Variants in SSH3 observed in about 807,000 individuals in gnomAD.
The protein encoded by SSH3 is slingshot protein phosphatase 3, also known as protein phosphatase Slingshot homolog 3.
Under a neutral mutation model 75.0 loss-of-function variants are expected in SSH3, and 67 were observed. The ratio of observed to expected loss-of-function variants is 0.89; its 90% confidence interval spans 0.73 to 1.10. The LOEUF is 1.10. Among genes scored for constraint, SSH3 ranks in the 50% least tolerant of loss-of-function variants. The pLI, the probability that SSH3 is intolerant of heterozygous loss-of-function variation, is 0.00. For missense variants in SSH3, 824 were observed against 872.7 expected (o/e 0.94, Z 0.70); for synonymous variants, 318 against 349.2 (o/e 0.91, Z 1.00).
intron 13 of SSH3, 61 bp downstream of exon 13, chr11:67,310,400 G>A (rs911982063): frequency 1.3e-5 from 20 of 1,541,496 alleles, no homozygotes; most frequent in East Asian, 2.3e-5. Context: ...AGGGAGATGG[G>A]GAAAGACCAG....
chr11:67,307,917 T>C lies in SSH3; in HGVS notation c.863T>C (p.Leu288Pro). The C allele has an allele frequency of 6.2e-7, 1 of 1,614,222 alleles. No individual in the cohort carries two copies. The highest frequency in any genetic ancestry group is 8.5e-7 in the Non-Finnish European group (1 of 1,180,022). ...TGGAAAGTGTTGGATGTCAGTGACC[T>C]GGAGAGTGTCACTTCCAAAGAGGTG... Reference protein sequence around the residue: ...ELWKVLDVSDLESVTSKEIRQ... With the variant: ...ELWKVLDVSDPESVTSKEIRQ... The change falls in exon 8 of 14, where the codon CTG (leucine) becomes CCG (proline). Residue 288 changes from leucine (L) to proline (P), a missense_variant. Leu to Pro is a moderately conservative substitution (Grantham distance 98, BLOSUM62 -3). Transcript: ENST00000308127. The surrounding 1 kb of genome is among the most constrained non-coding windows in gnomAD (Gnocchi z 4.2).
chr11:67,307,270 G>T lies in SSH3; in HGVS notation c.537-101G>T. ...CAGATTCACCGTGATCCTGAGCAAGGCACCTGACTCCTGGGTCTCGGCTTC... is the reference window on the plus strand; with the variant it reads ...CAGATTCACCGTGATCCTGAGCAAGTCACCTGACTCCTGGGTCTCGGCTTC... On this transcript the variant is annotated intron_variant, in intron 5 of 13. Coordinates refer to ENST00000308127, the MANE Select transcript of SSH3 (RefSeq NM_017857.4). The surrounding 1 kb of genome is among the most constrained non-coding windows in gnomAD (Gnocchi z 4.2). 1 of 1,570,478 alleles carries T rather than the reference G, an allele frequency of 6.4e-7. No individual in the cohort carries two copies.
rs1049899952 is a variant in SSH3 at position 67,307,297 on chromosome 11, C to T, written c.537-74C>T. On this transcript the variant is annotated intron_variant, in intron 5 of 13. Transcript: ENST00000308127. The surrounding 1 kb of genome is among the most constrained non-coding windows in gnomAD (Gnocchi z 4.2). ...ACCTGACTCCTGGGTCTCGGCTTCC[C>T]GTATCCAGCAAAAGGATGGGTTCTC... The T allele has an allele frequency of 2.4e-5, 38 of 1,594,606 alleles. No homozygotes were observed. The highest frequency in any genetic ancestry group is 5.2e-5 in the Admixed American group (3 of 57,348).
rs762364559 is a variant in SSH3 at position 67,307,537 on chromosome 11, C to T, written c.603-12C>T. 10 of 1,609,368 alleles carry T rather than the reference C, an allele frequency of 6.2e-6. No individual in the cohort carries two copies. ...AGGGAACAGTGTGACCCAGCCTCTC[C>T]TCCTGTCTCAGGGCCACACTCCAGG... On this transcript the variant is annotated splice_polypyrimidine_tract_variant and intron_variant, in intron 6 of 13. Transcript: ENST00000308127. This position sits in a 1 kb window ranked among gnomAD's most constrained non-coding sequence, Gnocchi z 4.2.
intron 12 of SSH3, 44 bp from the exon 13 acceptor site, chr11:67,310,022 G>A (rs1861367923): frequency 6.2e-7 from 1 of 1,609,570 alleles, no homozygotes. Context: ...GCTGGGGGTG[G>A]CTGCTGGGTC....
rs1230819764 is a variant in SSH3 at position 67,309,768 on chromosome 11, A to G, written c.1209A>G (p.Arg403=). ...KETHRFIEAA[R]AQGTHVLVHC... The stretch of plus-strand genomic sequence containing the variant: ...TGCTGAACCTGGCCTGCTTCCACAG[A>G]GCACAGGGCACCCACGTGCTGGTCC... The change falls in exon 12 of 14, where the codon AGA becomes AGG. Residue 403 remains arginine (R), a splice_region_variant and synonymous_variant. Transcript: ENST00000308127. 1 of 1,612,808 alleles carries G rather than the reference A, an allele frequency of 6.2e-7. No homozygotes were observed. The highest frequency in any genetic ancestry group is 8.5e-7 in the Non-Finnish European group (1 of 1,180,000).
chr11:67,310,986 C>T (rs1309450346), intron 13 of SSH3, among the ~76,000 whole-genome samples: 1 of 152,250 alleles, frequency 6.6e-6, no homozygotes, highest in Non-Finnish European at 1.5e-5. Context: ...ATGCTCAGTG[C>T]TGCGGGCACA....
Position 67,309,784 on chromosome 11 carries a change from G to T in SSH3, c.1225G>T (p.Val409Leu). 6.2e-7 allele frequency: 1 copy of T among 1,613,122 alleles called. No individual in the cohort carries two copies. The highest frequency in any genetic ancestry group is 1.1e-5 in the South Asian group (1 of 91,088). ...IEAARAQGTH[V>L]LVHCKMGVSR... ...CTTCCACAGAGCACAGGGCACCCACGTGCTGGTCCACTGCAAGATGGGCGT... is the reference window on the plus strand; with the variant it reads ...CTTCCACAGAGCACAGGGCACCCACTTGCTGGTCCACTGCAAGATGGGCGT... The change falls in exon 12 of 14, where the codon GTG becomes TTG. Residue 409 changes from valine (V) to leucine (L), a missense_variant. Val to Leu is a conservative substitution (Grantham distance 32). Transcript: ENST00000308127.
At chr11:67,311,448 C>A in intron 13 of SSH3, 143 bp from the exon 14 acceptor site, 1 of 1,057,906 alleles carries the variant, frequency 9.5e-7, no homozygotes, top group Non-Finnish European at 1.4e-6. Flanking sequence ...TGGCTTTTGG[C>A]GTGCGTGCCA....
chr11:67,311,444 T>C (rs1861412835), intron 13 of SSH3, 147 bp from the exon 14 acceptor site: 1 of 1,029,602 alleles, frequency 9.7e-7, no homozygotes, highest in Admixed American at 2.3e-5. Flanking sequence ...AGCTTGGCTT[T>C]TGGCGTGCGT....
Position 67,310,110 on chromosome 11 carries a change from C to T in SSH3, c.1454C>T (p.Pro485Leu), listed in dbSNP as rs562795122. The T allele has an allele frequency of 3.1e-6, 5 of 1,614,096 alleles. No individual in the cohort carries two copies. The South Asian group carries it at 4.4e-5, about 14-fold the overall frequency. The change falls in exon 13 of 14, where the codon CCA (proline) becomes CTA (leucine). Residue 485 changes from proline (P) to leucine (L), a missense_variant. Transcript: ENST00000308127. ...GAGCAGAAAGTGGGTGGGGTCTCCC[C>T]AGAGGAGCACCCAGCCCCTGAAGTC... ...VWEQKVGGVS[P>L]EEHPAPEVST...
At position 67,312,235 on chromosome 11, in the gene SSH3, A is replaced by G; in HGVS notation, c.*348A>G. The G allele has an allele frequency of 3.4e-6, 1 of 291,440 alleles. No homozygotes were observed. The highest frequency in any genetic ancestry group is 8.6e-5 in the East Asian group (1 of 11,562). 18.1% of individuals were successfully genotyped at this position (291,440 alleles called of 1,614,324 possible). A position where few individuals can be genotyped will look rare whatever the true frequency, so the allele number is the denominator to read the frequency against. ...CACCTGTGGCACGGAATGAAAACAG[A>G]GCTTCCCGTGCAAAAAGGGTCACGC... On this transcript the variant is annotated 3_prime_UTR_variant, in exon 14 of 14. Coordinates refer to ENST00000308127, the MANE Select transcript of SSH3 (RefSeq NM_017857.4).
At chr11:67,303,902 G>C in intron 1 of SSH3, 1 of 768,670 alleles carries the variant, frequency 1.3e-6, no homozygotes. Context: ...CGGAGGCCCC[G>C]ATCTGAGCGC....
At chr11:67,306,997 G>A (rs763454116) in intron 4 of SSH3, 35 bp downstream of exon 4, 1 of 1,613,342 alleles carries the variant, frequency 6.2e-7, no homozygotes, top group Non-Finnish European at 8.5e-7. Flanking sequence ...GGGCAAAGAG[G>A]TGAGGGACAG....
rs1159735880 is a variant in SSH3 at position 67,308,985 on chromosome 11, G to A, written c.1062-412G>A. On this transcript the variant is annotated intron_variant, in intron 10 of 13. Coordinates refer to ENST00000308127, the MANE Select transcript of SSH3 (RefSeq NM_017857.4). The surrounding 1 kb of genome is among the most constrained non-coding windows in gnomAD (Gnocchi z 4.9). ...GCCCTGTCTCAGGGAAGAAGGAACTGCCCTTCTCCCCGTGGGGACCTGGCT... is the reference window on the plus strand; with the variant it reads ...GCCCTGTCTCAGGGAAGAAGGAACTACCCTTCTCCCCGTGGGGACCTGGCT... 6.6e-6 allele frequency among the ~76,000 whole-genome samples: 1 copy of A among 152,190 alleles called. No individual in the cohort carries two copies. Among genetic ancestry groups the A allele is most frequent in the African/African-American group, 2.4e-5 (1 of 41,450 alleles).
Position 67,307,436 on chromosome 11 carries a change from G to T in SSH3, c.602G>T (p.Trp201Leu), listed in dbSNP as rs1861277127. ...IFKPISIQTMWATLQVLHQAC... is the reference protein window; with the variant it reads ...IFKPISIQTMLATLQVLHQAC... ...AAGCCCATCTCCATCCAGACCATGT[G>T]GTAAGGACAGAGACTGCCTGGACTC... is the stretch of plus-strand genomic sequence containing the variant. The change falls in exon 6 of 14, where the codon TGG (tryptophan) becomes TTG (leucine). Residue 201 changes from tryptophan (W) to leucine (L), a missense_variant and splice_region_variant. Trp to Leu is a moderately conservative substitution (Grantham distance 61, BLOSUM62 -2). Coordinates refer to ENST00000308127, the MANE Select transcript of SSH3 (RefSeq NM_017857.4). This position sits in a 1 kb window ranked among gnomAD's most constrained non-coding sequence, Gnocchi z 4.2. 4 of 1,613,874 alleles carry T rather than the reference G, an allele frequency of 2.5e-6. No homozygotes were observed. The highest frequency in any genetic ancestry group is 1.3e-5 in the African/African-American group (1 of 74,924).
At chr11:67,304,010 T>A in intron 1 of SSH3, 108 bp from the exon 2 acceptor site, 1 of 1,373,188 alleles carries the variant, frequency 7.3e-7, no homozygotes, top group Non-Finnish European at 9.9e-7. Context: ...GGGAAGACGA[T>A]TGGCATCTGG....
rs1430960977 is a variant in SSH3 at position 67,307,760 on chromosome 11, C to T, written c.791+23C>T. The T allele has an allele frequency of 1.2e-6, 2 of 1,613,492 alleles. No homozygotes were observed. Among genetic ancestry groups the T allele is most frequent in the African/African-American group, 1.3e-5 (1 of 74,900 alleles). ...CGGGTCAGTGTGTGGAGGGGAGGGA[C>T]TGGGTGGAGGGGAAGGCAGGATAAT... is the stretch of plus-strand genomic sequence containing the variant. On this transcript the variant is annotated intron_variant, in intron 7 of 13. Transcript: ENST00000308127. The surrounding 1 kb of genome is among the most constrained non-coding windows in gnomAD (Gnocchi z 4.2).
At position 67,310,277 on chromosome 11, in the gene SSH3, A is replaced by G. The variant is rs749233312; in HGVS notation, c.1621A>G (p.Ile541Val). 45 of 1,614,088 alleles carry G rather than the reference A, an allele frequency of 2.8e-5. No homozygotes were observed. Among genetic ancestry groups the G allele is most frequent in the Non-Finnish European group, 3.6e-5 (42 of 1,180,030 alleles). The change falls in exon 13 of 14, where the codon ATC becomes GTC. Residue 541 changes from isoleucine (I) to valine (V), a missense_variant. Coordinates refer to ENST00000308127, the MANE Select transcript of SSH3 (RefSeq NM_017857.4). ...AAACCTCCGAGGGGTCATGAGGTCC[A>G]TCAGTCTTCTGGAGCCCTCCTTGGA... ...RINLRGVMRS[I>V]SLLEPSLELE...
Sources: gnomAD v4.1 joint callset for allele counts (sites outside exome capture counted in the v4.1 genomes callset) on GRCh38, gnomAD v4.1.1 for gene constraint, Gnocchi (gnomAD v3.1) non-coding constraint, MANE v1.5 for transcripts, NCBI Gene and HGNC (gene_info 2026-07-23, HGNC 2026-07-21) for gene names.